The following NT5DC3 variants were observed in gnomAD, a reference collection of about 807,000 sequenced individuals.
NT5DC3 encodes the protein 5'-nucleotidase domain containing 3, also known as 5'-nucleotidase domain-containing protein 3.
NT5DC3 carries 42 observed loss-of-function variants against 67.8 expected under a neutral mutation model. That is an observed-to-expected ratio of 0.62 (90% confidence interval 0.48 to 0.80). The LOEUF is 0.80. NT5DC3 is among the 30% of genes least tolerant of loss of function. The pLI is 0.00. For missense variants in NT5DC3, 570 were observed against 696.4 expected (o/e 0.82, Z 2.04); for synonymous variants, 237 against 255.6 (o/e 0.93, Z 0.69).
At chr12:103,817,721 G>A (rs1225879799) in intron 1 of NT5DC3, among the ~76,000 whole-genome samples, 1 of 152,210 alleles carries the variant, frequency 6.6e-6, no homozygotes, top group Non-Finnish European at 1.5e-5. Flanking sequence ...AGCACCAAAT[G>A]GCAGGGCTGG....
At chr12:103,746,503 TG>T in the NT5DC3 span, 1 of 1,152,368 alleles carries the variant, frequency 8.7e-7, no homozygotes, top group Non-Finnish European at 1.3e-6. Flanking sequence ...ATGAACACAG[TG>T]GTCGTCCAGA....
At chr12:103,796,590 C>G (rs1206105933) in intron 6 of NT5DC3, among the ~76,000 whole-genome samples, 1 of 152,198 alleles carries the variant, frequency 6.6e-6, no homozygotes. Context: ...GGCTGGACTT[C>G]CATCCCCATC....
chr12:103,779,953 T>C (rs1885480943), intron 13 of NT5DC3, among the ~76,000 whole-genome samples: 1 of 152,126 alleles, frequency 6.6e-6, no homozygotes, highest in Non-Finnish European at 1.5e-5. Context: ...TGCTGCCCAG[T>C]AGCCACATGG....
the NT5DC3 span, chr12:103,761,471 G>A: frequency 3.5e-6 from 5 of 1,447,088 alleles, no homozygotes; most frequent in Non-Finnish European, 4.8e-6. Flanking sequence ...CTCACCAACA[G>A]GCAAACCATT....
intron 5 of NT5DC3, among the ~76,000 whole-genome samples, chr12:103,798,243 C>T (rs1886407596): frequency 1.3e-5 from 2 of 152,188 alleles, no homozygotes; most frequent in African/African-American, 2.4e-5. Context: ...GCCATCAACT[C>T]TGGCATTTCA....
chr12:103,755,189 C>T, the NT5DC3 span: 13 of 1,454,246 alleles, frequency 8.9e-6, no homozygotes, highest in Non-Finnish European at 1.2e-5. Flanking sequence ...GTGCAATAGG[C>T]AAAGTGAGAC....
rs142391066 is a variant in NT5DC3, at chr12:103,777,864, C to T, written c.1612G>A (p.Gly538Arg). 7.2e-5 allele frequency: 116 copies of T among 1,613,844 alleles called. No individual in the cohort carries two copies. The African/African-American group carries it at 8.1e-4, about 11-fold the overall frequency. The change falls in exon 14 of 14, where the codon GGA (glycine) becomes AGA (arginine). Residue 538 changes from glycine (G) to arginine (R), a missense_variant. This residue lies in a region of NT5DC3 where 466 missense variants were observed against 608.0 expected (regional missense o/e 0.77). Transcript: ENST00000392876. ...TGGGCCTCCTGCAGGAGAGGGGTTC[C>T]GAAGGTGGGGGGCCTTTCTGACCAG... ...PAWSERPPTF[G>R]TPLLQEAQAK
At chr12:103,829,383 A>C (rs1028104380) in intron 1 of NT5DC3, among the ~76,000 whole-genome samples, 1 of 152,242 alleles carries the variant, frequency 6.6e-6, no homozygotes, top group Admixed American at 6.5e-5. Context: ...TGTGGTTTGC[A>C]ACCTTTCTTA....
chr12:103,835,118 C>G (rs903603043), intron 1 of NT5DC3, among the ~76,000 whole-genome samples: 3 of 152,174 alleles, frequency 2.0e-5, no homozygotes, highest in Non-Finnish European at 4.4e-5. Flanking sequence ...TCTGTACAGG[C>G]AGTAACTCAG....
At chr12:103,811,278 G>A (rs1009171897) in intron 2 of NT5DC3, among the ~76,000 whole-genome samples, 20 of 152,106 alleles carry the variant, frequency 1.3e-4, no homozygotes, top group East Asian at 3.9e-4. Flanking sequence ...ACAAATCTGC[G>A]GGTGGGCGGG....
the NT5DC3 span, chr12:103,758,054 G>T: frequency 1.4e-6 from 2 of 1,459,052 alleles, no homozygotes; most frequent in Non-Finnish European, 1.9e-6. Context: ...GCAGCAGGCT[G>T]AGTTGGCTCA....
chr12:103,793,560 C>T, intron 7 of NT5DC3, 48 bp from the exon 8 acceptor site: 4 of 1,370,774 alleles, frequency 2.9e-6, no homozygotes, highest in Non-Finnish European at 4.1e-6. Flanking sequence ...TGATATTTGT[C>T]AATCTGCAAG....
chr12:103,827,060 A>G (rs1304161254), intron 1 of NT5DC3, among the ~76,000 whole-genome samples: 1 of 152,186 alleles, frequency 6.6e-6, no homozygotes, highest in Non-Finnish European at 1.5e-5. Context: ...CCTGGCCAAC[A>G]TGGTGAAACC....
the NT5DC3 span, chr12:103,749,176 G>A: frequency 6.3e-7 from 1 of 1,581,214 alleles, no homozygotes; most frequent in Non-Finnish European, 8.6e-7. Flanking sequence ...TCTTTCCCAG[G>A]GAAATTTGGG....
At chr12:103,806,580 A>G (rs934324215) in intron 3 of NT5DC3, among the ~76,000 whole-genome samples, 12 of 152,142 alleles carry the variant, frequency 7.9e-5, no homozygotes, top group Non-Finnish European at 1.5e-4. Context: ...AAGACAGGGG[A>G]AAAAAATAGA....
rs1377092145 is a variant in NT5DC3 at position 103,785,490 on chromosome 12, C to A, written c.1189-15G>T. Reference sequence around the variant, plus strand: ...AGGGTCAAATCCTGATCACAAAGATCACGAAAAGTCAACGTCAGTCTCAAC... The same window carrying A: ...AGGGTCAAATCCTGATCACAAAGATAACGAAAAGTCAACGTCAGTCTCAAC... On this transcript the variant is annotated splice_polypyrimidine_tract_variant and intron_variant, in intron 11 of 13. Coordinates refer to ENST00000392876, the MANE Select transcript of NT5DC3 (RefSeq NM_001031701.3). 1 of 1,613,618 alleles carries A rather than the reference C, an allele frequency of 6.2e-7. No individual in the cohort carries two copies. The highest frequency in any genetic ancestry group is 2.2e-5 in the East Asian group (1 of 44,876).
chr12:103,811,533 C>G (rs80087251), intron 2 of NT5DC3, among the ~76,000 whole-genome samples: 2,076 of 152,158 alleles, frequency 0.014, 46 homozygotes, highest in African/African-American at 0.048. Flanking sequence ...TGGCATGCTT[C>G]GAAACTGTCA....
At chr12:103,817,635 A>C (rs1341687489) in intron 1 of NT5DC3, among the ~76,000 whole-genome samples, 2 of 152,180 alleles carry the variant, frequency 1.3e-5, no homozygotes, top group African/African-American at 4.8e-5. Context: ...TAGGAAGCAA[A>C]TACTACTTTA....
At chr12:103,806,400 A>G (rs1175166828) in intron 3 of NT5DC3, 23 bp from the exon 4 acceptor site, 3 of 1,515,972 alleles carry the variant, frequency 2.0e-6, no homozygotes, top group Non-Finnish European at 1.8e-6. Flanking sequence ...AAACATATGC[A>G]CATGTAAATA....
Sources: gnomAD v4.1 joint callset for allele counts (sites outside exome capture counted in the v4.1 genomes callset) on GRCh38, gnomAD v4.1.1 for gene constraint, gnomAD v4.1.1 regional missense constraint, MANE v1.5 for transcripts, NCBI Gene and HGNC (gene_info 2026-07-23, HGNC 2026-07-21) for gene names.